GALNT1: variants seen among roughly 807,000 people sequenced by gnomAD.
GALNT1 encodes the protein polypeptide N-acetylgalactosaminyltransferase 1.
A neutral mutation model predicts 65.7 loss-of-function variants in GALNT1; 17 were observed. That is an observed-to-expected ratio of 0.26 (90% CI 0.18 to 0.39). GALNT1 has a LOEUF of 0.39. GALNT1 is among the 10% of genes least tolerant of loss of function. The pLI is 1.00. For missense variants in GALNT1, 460 were observed against 672.8 expected (o/e 0.68, Z 3.50); for synonymous variants, 210 against 219.7 (o/e 0.96, Z 0.39).
intron 3 of GALNT1, among the ~76,000 whole-genome samples, chr18:35,666,118 AG>A (rs2047546387): frequency 6.6e-6 from 1 of 152,202 alleles, no homozygotes; most frequent in African/African-American, 2.4e-5. Context: ...GACAATTGAT[AG>A]GAAGTTTGGG....
intron 1 of GALNT1, among the ~76,000 whole-genome samples, chr18:35,617,051 A>G (rs187282929): frequency 8.8e-4 from 134 of 152,246 alleles, no homozygotes; most frequent in Admixed American, 1.6e-3. Flanking sequence ...CCATTTGAGC[A>G]GCAGTGACGG....
At chr18:35,676,768 G>C (rs1445996649) in intron 3 of GALNT1, among the ~76,000 whole-genome samples, 1 of 152,144 alleles carries the variant, frequency 6.6e-6, no homozygotes, top group East Asian at 1.9e-4. Flanking sequence ...TTGATCTCAG[G>C]TTACCTGCCG....
Position 35,677,734 on chromosome 18 carries a change from T to G in GALNT1, c.458T>G (p.Leu153Arg), listed in dbSNP as rs1381154447. Residue 153 changes from leucine (L) to arginine (R), a missense_variant, in exon 4 of 12, where the codon CTA becomes CGA. Physicochemically the swap from Leu to Arg is moderately radical, Grantham distance 102. Transcript: ENST00000269195. ...AGACACATGATAGAAGAAATTGTTC[T>G]AGTAGATGATGCCAGTGAAAGAGGT... ...SPRHMIEEIV[L>R]VDDASERDFL... 1 of 1,606,644 alleles carries G rather than the reference T, an allele frequency of 6.2e-7. No homozygotes were observed. The highest frequency in any genetic ancestry group is 8.5e-7 in the Non-Finnish European group (1 of 1,175,608).
At chr18:35,621,748 T>C (rs2046855629) in intron 1 of GALNT1, among the ~76,000 whole-genome samples, 1 of 152,210 alleles carries the variant, frequency 6.6e-6, no homozygotes, top group South Asian at 2.1e-4. Context: ...GTGTTAGAGA[T>C]TTATGCCTTT....
intron 1 of GALNT1, among the ~76,000 whole-genome samples, chr18:35,645,839 A>G (rs559808576): frequency 2.0e-5 from 3 of 152,172 alleles, no homozygotes; most frequent in Non-Finnish European, 4.4e-5. Flanking sequence ...TGTTTATTGT[A>G]GATTAAAGAA....
intron 1 of GALNT1, among the ~76,000 whole-genome samples, chr18:35,638,466 C>CCA (rs938110713): frequency 2.0e-5 from 3 of 151,352 alleles, no homozygotes; most frequent in Non-Finnish European, 4.4e-5. Context: ...CTTCCCCACC[C>CCA]CACACACACA....
At chr18:35,602,864 A>G (rs1241347) in intron 1 of GALNT1, among the ~76,000 whole-genome samples, 69,599 of 151,890 alleles carry the variant, frequency 0.46, 16,171 homozygotes, top group Middle Eastern at 0.6. Context: ...CTGGCTTCTC[A>G]CTTTGTCCTT....
chr18:35,705,446 C>T (rs538948769), intron 11 of GALNT1, among the ~76,000 whole-genome samples: 1 of 152,328 alleles, frequency 6.6e-6, no homozygotes, highest in African/African-American at 2.4e-5. Flanking sequence ...TCTCCTTTCA[C>T]AATGTCAGGC....
chr18:35,655,685 C>G (rs545856691), intron 2 of GALNT1, among the ~76,000 whole-genome samples: 1 of 151,838 alleles, frequency 6.6e-6, no homozygotes, highest in African/African-American at 2.4e-5. Flanking sequence ...AAGCATATAG[C>G]CACATTTAAA....
chr18:35,623,242 A>G (rs2046878283), intron 1 of GALNT1, among the ~76,000 whole-genome samples: 1 of 152,026 alleles, frequency 6.6e-6, no homozygotes, highest in Non-Finnish European at 1.5e-5. Context: ...ATTTGTTTTG[A>G]CATTTCTTTA....
chr18:35,611,651 A>G (rs2046718894), intron 1 of GALNT1, among the ~76,000 whole-genome samples: 1 of 152,208 alleles, frequency 6.6e-6, no homozygotes, highest in South Asian at 2.1e-4. Flanking sequence ...ATCTAATTGT[A>G]TGTGCCAAAT....
Position 35,654,777 on chromosome 18 carries a change from G to A in GALNT1, c.115G>A (p.Glu39Lys), listed in dbSNP as rs1012535388. Residue 39 changes from glutamate to lysine, a missense_variant, in exon 2 of 12, where the codon GAG (glutamate) becomes AAG (lysine). Transcript: ENST00000269195. ...SECNKCDEKKERGLPAGDVLE... is the reference protein window; with the variant it reads ...SECNKCDEKKKRGLPAGDVLE... ...ATGCAACAAATGTGATGAAAAAAAG[G>A]AGAGAGGACTTCCTGCTGGAGATGG... The A allele has an allele frequency of 2.6e-6, 4 of 1,556,466 alleles. No homozygotes were observed. The highest frequency in any genetic ancestry group is 3.5e-6 in the Non-Finnish European group (4 of 1,147,960).
chr18:35,612,068 A>G (rs2046725049), intron 1 of GALNT1, among the ~76,000 whole-genome samples: 1 of 152,224 alleles, frequency 6.6e-6, no homozygotes, highest in Non-Finnish European at 1.5e-5. Context: ...CAGTGTTTAT[A>G]TAAAATATGA....
At chr18:35,636,375 A>G (rs2047088822) in intron 1 of GALNT1, among the ~76,000 whole-genome samples, 1 of 152,198 alleles carries the variant, frequency 6.6e-6, no homozygotes, top group Non-Finnish European at 1.5e-5. Flanking sequence ...AGACTGTCTT[A>G]AGGACAGGGA....
intron 1 of GALNT1, among the ~76,000 whole-genome samples, chr18:35,610,172 T>A (rs1243087415): frequency 1.3e-5 from 2 of 152,146 alleles, no homozygotes; most frequent in African/African-American, 2.4e-5. Context: ...AGTGGTTGGA[T>A]GTGAATGAAG....
At position 35,662,884 on chromosome 18, in the gene GALNT1, G is replaced by A. The variant is rs116533742; in HGVS notation, c.140-744G>A. On this transcript the variant is annotated intron_variant, in intron 2 of 11. Transcript: ENST00000269195. Reference sequence around the variant, plus strand: ...TGATCAGGCACATTGCTCTTTTTATGTCTGTATCAAGAGATAACATTACTT... The same window carrying A: ...TGATCAGGCACATTGCTCTTTTTATATCTGTATCAAGAGATAACATTACTT... Among the ~76,000 whole-genome samples the A allele has an allele frequency of 1.0e-2, 1,516 of 152,196 alleles. 26 individuals carry two copies. The highest frequency in any genetic ancestry group is 0.033 in the African/African-American group (1,353 of 41,526).
At chr18:35,687,693 AT>A (rs1276933188) in intron 6 of GALNT1, among the ~76,000 whole-genome samples, 1 of 152,090 alleles carries the variant, frequency 6.6e-6, no homozygotes, top group Non-Finnish European at 1.5e-5. Context: ...TCATTAATCC[AT>A]TTATTCTCTG....
intron 6 of GALNT1, 121 bp from the exon 7 acceptor site, chr18:35,689,052 A>G (rs2047913767): frequency 1.4e-6 from 1 of 714,874 alleles, no homozygotes; most frequent in Non-Finnish European, 2.5e-6. Context: ...AAAGTTTATG[A>G]AGAGTGTGAG....
At chr18:35,592,170 C>G (rs553796223) in intron 1 of GALNT1, among the ~76,000 whole-genome samples, 1 of 152,198 alleles carries the variant, frequency 6.6e-6, no homozygotes, top group Non-Finnish European at 1.5e-5. Flanking sequence ...GTTACGGGCC[C>G]GGATGAGGAA....
Sources: allele counts gnomAD v4.1 joint callset (sites outside exome capture counted in the v4.1 genomes callset), GRCh38; gene constraint gnomAD v4.1.1; transcripts MANE v1.5; gene names NCBI Gene and HGNC (gene_info 2026-07-23, HGNC 2026-07-21).